Variants in OVCH1 observed in about 807,000 individuals in gnomAD.
OVCH1 encodes the protein ovochymase-1.
Under a neutral mutation model 138.4 loss-of-function variants are expected in OVCH1, and 139 were observed. That is an observed-to-expected ratio of 1.00 (90% CI 0.87 to 1.16). The LOEUF (loss-of-function observed/expected upper bound fraction) is 1.16. Among genes scored for constraint, OVCH1 ranks in the 50% most tolerant of loss-of-function variants. The pLI, the probability that OVCH1 is intolerant of heterozygous loss-of-function variation, is 0.00. For missense variants in OVCH1, 1,367 were observed against 1,357.9 expected, an observed-to-expected ratio of 1.01 and a Z score of -0.11; for synonymous variants, 453 against 467.8, an observed-to-expected ratio of 0.97 and a Z score of 0.41.
intron 21 of OVCH1, among the ~76,000 whole-genome samples, chr12:29,454,212 C>A (rs562278555): frequency 2.6e-5 from 4 of 152,224 alleles, no homozygotes; most frequent in African/African-American, 9.6e-5. Flanking sequence ...AAAGTCATCA[C>A]TCTTGCAATT....
chr12:29,424,982 C>T (rs1009746955), downstream of OVCH1, among the ~76,000 whole-genome samples: 2 of 152,040 alleles, frequency 1.3e-5, no homozygotes, highest in African/African-American at 2.4e-5. Context: ...CTTAACACGC[C>T]ACATTAAATT....
intron 26 of OVCH1, among the ~76,000 whole-genome samples, chr12:29,438,861 G>A (rs888195438): frequency 2.6e-5 from 4 of 152,030 alleles, no homozygotes; most frequent in Admixed American, 2.0e-4. Context: ...GTGTTCTTGG[G>A]ATAAATCCTA....
chr12:29,407,286 G>C, the OVCH1 span, among the ~76,000 whole-genome samples: 3 of 129,874 alleles, frequency 2.3e-5, no homozygotes, highest in African/African-American at 7.5e-5. Context: ...AGTTTCTTTC[G>C]CTGTGCAGAA....
At chr12:29,462,353 CTT>C (rs1257237385) in intron 18 of OVCH1, among the ~76,000 whole-genome samples, 2 of 149,576 alleles carry the variant, frequency 1.3e-5, no homozygotes, top group East Asian at 1.9e-4. Context: ...TCACATATAA[CTT>C]ATACAATTAT....
chr12:29,456,162 G>A (rs1941945558), intron 19 of OVCH1, among the ~76,000 whole-genome samples: 1 of 152,140 alleles, frequency 6.6e-6, no homozygotes, highest in Admixed American at 6.5e-5. Context: ...TACAATTAGA[G>A]AAATAAGTGA....
chr12:29,427,724 G>A, intron 27 of OVCH1: 1 of 1,512,194 alleles, frequency 6.6e-7, no homozygotes, highest in South Asian at 1.2e-5. Context: ...TGGGGTGATA[G>A]CCTAGCTAAC....
exon 12 of OVCH1, chr12:29,477,219 C>G: frequency 4.3e-6 from 7 of 1,613,774 alleles, no homozygotes; most frequent in Non-Finnish European, 5.9e-6. Flanking sequence ...TAGCCAGACT[C>G]CCACAACCTG....
At chr12:29,446,098 T>C (rs1045086171) in intron 22 of OVCH1, among the ~76,000 whole-genome samples, 1 of 152,144 alleles carries the variant, frequency 6.6e-6, no homozygotes, top group African/African-American at 2.4e-5. Flanking sequence ...CCTTAGTTCT[T>C]CCATTTAAGA....
At chr12:29,472,132 C>T (rs1942534100) in intron 15 of OVCH1, 150 bp from the exon 16 acceptor site, 4 of 949,896 alleles carry the variant, frequency 4.2e-6, no homozygotes, top group Middle Eastern at 3.3e-4. Flanking sequence ...TCTGAAAAAT[C>T]TGATTTTAAG....
intron 9 of OVCH1, among the ~76,000 whole-genome samples, chr12:29,478,162 T>C (rs1030534932): frequency 2.6e-5 from 4 of 152,152 alleles, no homozygotes; most frequent in South Asian, 4.1e-4. Context: ...ATTAGATATA[T>C]TGGTTATGTT....
intron 22 of OVCH1, among the ~76,000 whole-genome samples, chr12:29,450,158 T>C (rs1315678232): frequency 1.3e-5 from 2 of 152,028 alleles, no homozygotes; most frequent in African/African-American, 2.4e-5. Flanking sequence ...AAAGTCAAAA[T>C]TGACAAATAG....
chr12:29,438,967 T>C (rs754033002), intron 26 of OVCH1, among the ~76,000 whole-genome samples: 27 of 152,198 alleles, frequency 1.8e-4, no homozygotes, highest in Non-Finnish European at 3.2e-4. Context: ...GTACAAGGGT[T>C]ATTTTCAGCA....
intron 3 of OVCH1, among the ~76,000 whole-genome samples, chr12:29,419,025 T>G (rs1319750424): frequency 1.3e-5 from 2 of 152,048 alleles, no homozygotes; most frequent in Admixed American, 1.3e-4. Flanking sequence ...CAGCTAATTT[T>G]TTTTAGTTTT....
chr12:29,491,038 G>T, intron 5 of OVCH1, 59 bp downstream of exon 5: 1 of 1,382,672 alleles, frequency 7.2e-7, no homozygotes, highest in Non-Finnish European at 1.0e-6. Flanking sequence ...AATTATTTCT[G>T]CTTCCCCTGG....
At chr12:29,492,230 T>A (rs1003334749) in intron 4 of OVCH1, among the ~76,000 whole-genome samples, 14 of 151,936 alleles carry the variant, frequency 9.2e-5, no homozygotes, top group Non-Finnish European at 1.5e-4. Flanking sequence ...TGGGTGGAAG[T>A]CATTTGATGA....
At chr12:29,494,832 A>G (rs1190062540) in intron 4 of OVCH1, among the ~76,000 whole-genome samples, 1 of 152,140 alleles carries the variant, frequency 6.6e-6, no homozygotes, top group African/African-American at 2.4e-5. Context: ...GGAGGGGAGG[A>G]TGAAGTGGGG....
exon 23 of OVCH1, chr12:29,445,326 G>C: frequency 1.2e-6 from 2 of 1,611,954 alleles, no homozygotes; most frequent in Non-Finnish European, 1.7e-6. Flanking sequence ...CCTCGTACAA[G>C]GGCATGGAAT....
chr12:29,490,786 T>G (rs547689450), intron 5 of OVCH1, among the ~76,000 whole-genome samples: 13 of 152,294 alleles, frequency 8.5e-5, no homozygotes, highest in African/African-American at 3.1e-4. Flanking sequence ...AGTCACAATA[T>G]TAAAGACAAA....
chr12:29,470,584 T>C (rs1213844516), intron 16 of OVCH1, among the ~76,000 whole-genome samples: 4 of 152,220 alleles, frequency 2.6e-5, no homozygotes, highest in Admixed American at 6.5e-5. Flanking sequence ...TTCCATGGTA[T>C]ATATGTGCCA....
Sources: gnomAD v4.1 joint callset for allele counts (sites outside exome capture counted in the v4.1 genomes callset) on GRCh38, gnomAD v4.1.1 for gene constraint, MANE v1.5 for transcripts, NCBI Gene and HGNC (gene_info 2026-07-23, HGNC 2026-07-21) for gene names.